Variants in MANEA observed in about 807,000 individuals in gnomAD.
The protein encoded by MANEA is mannosidase endo-alpha.
In MANEA, 25 loss-of-function variants were observed where a neutral mutation model predicts 36.8. The ratio of observed to expected loss-of-function variants is 0.68; its 90% CI spans 0.50 to 0.95. MANEA has a LOEUF of 0.95. Among genes scored for constraint, MANEA ranks in the 40% least tolerant of loss-of-function variants. The pLI, the probability that MANEA is intolerant of heterozygous loss-of-function variation, is 0.00. For missense variants in MANEA, 565 were observed against 558.8 expected (o/e 1.01, Z -0.11); for synonymous variants, 198 against 188.5 (o/e 1.05, Z -0.41).
chr6:95,578,845 C>G (rs1315738019), intron 1 of MANEA, among the ~76,000 whole-genome samples: 1 of 152,170 alleles, frequency 6.6e-6, no homozygotes, highest in Admixed American at 6.5e-5. Flanking sequence ...CATATAGCAG[C>G]AGCTTTCATC....
intron 3 of MANEA, among the ~76,000 whole-genome samples, chr6:95,599,268 A>T (rs2127943795): frequency 6.6e-6 from 1 of 152,138 alleles, no homozygotes; most frequent in Middle Eastern, 3.4e-3. Flanking sequence ...CAAACACTAT[A>T]TCTGATGGAT....
intron 2 of MANEA, chr6:95,587,346 CCAAT>C (rs1769309274): frequency 4.9e-6 from 1 of 203,440 alleles, no homozygotes; most frequent in Admixed American, 5.6e-5. Flanking sequence ...GAATACCACC[CCAAT>C]CAAGAAGTAA....
intron 3 of MANEA, among the ~76,000 whole-genome samples, chr6:95,597,333 T>G (rs1666096486): frequency 6.6e-6 from 1 of 152,100 alleles, no homozygotes; most frequent in South Asian, 2.1e-4. Context: ...CAGAAATTAA[T>G]GTGTGTTGCA....
rs74803704 is a variant in MANEA, at chr6:95,606,065, T to C, written c.1049T>C (p.Leu350Ser). The change falls in exon 5 of 5, where the codon TTA becomes TCA. Residue 350 changes from leucine to serine, a missense_variant. Coordinates refer to ENST00000358812, the MANE Select transcript of MANEA (RefSeq NM_024641.4). ...AAATTATTTTGTGATAAATACAACT[T>C]AATATTTATCCCAAGTGTGGGCCCA... The part of the protein sequence containing the change: ...SLKLFCDKYN[L>S]IFIPSVGPGY... The C allele has an allele frequency of 1.4e-4, 222 of 1,613,992 alleles. No homozygotes were observed. In the African/African-American group the frequency reaches 2.2e-3, roughly 16 times the overall value.
intron 3 of MANEA, among the ~76,000 whole-genome samples, chr6:95,604,086 G>A (rs968613467): frequency 2.0e-5 from 3 of 151,276 alleles, no homozygotes; most frequent in Admixed American, 1.3e-4. Context: ...GTGTGTGTGT[G>A]TGTGTGTGTA....
chr6:95,585,629 A>G (rs1769265832), intron 1 of MANEA, among the ~76,000 whole-genome samples: 1 of 152,184 alleles, frequency 6.6e-6, no homozygotes, highest in African/African-American at 2.4e-5. Flanking sequence ...GAATTTTTTG[A>G]AAAAATTGGG....
chr6:95,603,026 C>CAAAA (rs67486139), intron 3 of MANEA, among the ~76,000 whole-genome samples: 14 of 63,428 alleles, frequency 2.2e-4, no homozygotes, highest in African/African-American at 9.2e-4. Context: ...GACTCCGTCT[C>CAAAA]AAAAAAAAAA....
intron 2 of MANEA, among the ~76,000 whole-genome samples, chr6:95,590,648 G>A (rs912887974): frequency 6.6e-6 from 1 of 152,026 alleles, no homozygotes; most frequent in Non-Finnish European, 1.5e-5. Context: ...AAGTTTAAAG[G>A]TTATATTTAT....
intron 2 of MANEA, among the ~76,000 whole-genome samples, chr6:95,594,737 C>A (rs991759392): frequency 4.6e-5 from 7 of 152,176 alleles, no homozygotes; most frequent in Non-Finnish European, 1.0e-4. Flanking sequence ...GTTTAGAATA[C>A]CATTTCTGGT....
intron 3 of MANEA, among the ~76,000 whole-genome samples, chr6:95,604,559 GT>G (rs983839952): frequency 2.6e-5 from 4 of 151,922 alleles, no homozygotes; most frequent in Non-Finnish European, 5.9e-5. Context: ...CTTTCTTAAG[GT>G]TCTGTCTATC....
At position 95,604,836 on chromosome 6, in the gene MANEA, C is replaced by T; in HGVS notation, c.664C>T (p.His222Tyr). 1.4e-6 allele frequency: 2 copies of T among 1,445,210 alleles called. No homozygotes were observed. Among genetic ancestry groups the T allele is most frequent in the Non-Finnish European group, 1.9e-6 (2 of 1,068,616 alleles). The allele number at this position is 1,445,210 out of a possible 1,614,324, so 89.5% of individuals were successfully genotyped here. ...AHKYNLKVTF[H>Y]IEPYSNRDDQ... ...TTATTGTTTGTTTTAGGTTACTTTT[C>T]ACATAGAACCATATAGCAATCGAGA... is the stretch of plus-strand genomic sequence containing the variant. Residue 222 changes from histidine (H) to tyrosine (Y), a missense_variant, in exon 4 of 5, where the codon CAC becomes TAC. Coordinates refer to ENST00000358812, the MANE Select transcript of MANEA (RefSeq NM_024641.4).
chr6:95,607,223 A>G lies in MANEA; in HGVS notation c.*818A>G, dbSNP rs899185611. 2.6e-5 allele frequency: 4 copies of G among 152,118 alleles called. No individual in the cohort carries two copies. Among genetic ancestry groups the G allele is most frequent in the Admixed American group, 1.3e-4 (2 of 15,258 alleles). The allele number at this position is 152,118 out of a possible 1,614,324, so 9.4% of individuals were successfully genotyped here. ...AAAAGTTACTGATTGCTTCTCAGTT[A>G]TTAGGAAAACAGTTGTTTCACAATT... On this transcript the variant is annotated 3_prime_UTR_variant, in exon 5 of 5. Transcript: ENST00000358812.
chr6:95,601,741 TTTTG>T (rs1357466978), intron 3 of MANEA, among the ~76,000 whole-genome samples: 11 of 141,442 alleles, frequency 7.8e-5, no homozygotes, highest in African/African-American at 2.9e-4. Context: ...TTTTTTTTTT[TTTTG>T]CTTAGGATTA....
chr6:95,601,952 A>G (rs547893703), intron 3 of MANEA, among the ~76,000 whole-genome samples: 3 of 152,110 alleles, frequency 2.0e-5, no homozygotes, highest in African/African-American at 4.8e-5. Flanking sequence ...GCAGATTTCA[A>G]CCATGTGAAA....
chr6:95,587,786 T>C (rs1769315572), intron 2 of MANEA, among the ~76,000 whole-genome samples: 1 of 152,118 alleles, frequency 6.6e-6, no homozygotes, highest in Admixed American at 6.5e-5. Context: ...TTCATTTATG[T>C]TTAATGTAAT....
chr6:95,593,450 G>A (rs1769423796), intron 2 of MANEA, among the ~76,000 whole-genome samples: 1 of 152,158 alleles, frequency 6.6e-6, no homozygotes, highest in Non-Finnish European at 1.5e-5. Context: ...GAAATTACTA[G>A]ACCAAGAATG....
intron 1 of MANEA, among the ~76,000 whole-genome samples, chr6:95,582,328 T>C (rs1427281398): frequency 6.6e-6 from 1 of 151,796 alleles, no homozygotes; most frequent in African/African-American, 2.4e-5. Context: ...GGACTACAGG[T>C]GCCCACCACC....
intron 1 of MANEA, among the ~76,000 whole-genome samples, chr6:95,586,006 T>C (rs1431103299): frequency 6.6e-6 from 1 of 152,096 alleles, no homozygotes; most frequent in African/African-American, 2.4e-5. Flanking sequence ...CTACAATAAA[T>C]AAATAAATGA....
intron 1 of MANEA, among the ~76,000 whole-genome samples, chr6:95,579,907 C>CT (rs1232436561): frequency 6.6e-6 from 1 of 152,138 alleles, no homozygotes; most frequent in Non-Finnish European, 1.5e-5. Flanking sequence ...GTAGCCAATA[C>CT]TTTGAGTAGG....
Sources: gnomAD v4.1 joint callset for allele counts (sites outside exome capture counted in the v4.1 genomes callset) on GRCh38, gnomAD v4.1.1 for gene constraint, MANE v1.5 for transcripts, NCBI Gene and HGNC (gene_info 2026-07-23, HGNC 2026-07-21) for gene names.